The following GABRB3 variants were observed in gnomAD, a reference collection of about 807,000 sequenced individuals.
GABRB3 encodes gamma-aminobutyric acid type A receptor subunit beta3.
In GABRB3, 14 loss-of-function variants were observed where a neutral mutation model predicts 52.1. The observed-to-expected ratio is 0.27, with a 90% CI of 0.18 to 0.42. The LOEUF is 0.42. GABRB3 is among the 10% of genes least tolerant of loss of function. The pLI is 1.00. For synonymous variants in GABRB3, 260 were observed against 232.3 expected, an observed-to-expected ratio of 1.12 and a Z score of -1.08; for missense variants, 307 against 609.1, an observed-to-expected ratio of 0.50 and a Z score of 5.22.
intron 3 of GABRB3, among the ~76,000 whole-genome samples, chr15:26,663,334 T>A (rs1887606934): frequency 6.6e-6 from 1 of 152,206 alleles, no homozygotes; most frequent in Non-Finnish European, 1.5e-5. Flanking sequence ...GGTGCTGAAA[T>A]CTCCAACTAT....
At chr15:26,663,490 C>T (rs1349473285) in intron 3 of GABRB3, among the ~76,000 whole-genome samples, 3 of 152,250 alleles carry the variant, frequency 2.0e-5, no homozygotes, top group Non-Finnish European at 4.4e-5. Context: ...CTTTTCATTG[C>T]TCTTTAATCT....
At chr15:26,714,645 C>T (rs1038346898) in intron 3 of GABRB3, among the ~76,000 whole-genome samples, 1 of 152,144 alleles carries the variant, frequency 6.6e-6, no homozygotes, top group Non-Finnish European at 1.5e-5. Flanking sequence ...GCATTTATCT[C>T]AGTGAGAAGA....
chr15:26,753,992 T>C (rs1890588134), intron 3 of GABRB3, among the ~76,000 whole-genome samples: 1 of 152,094 alleles, frequency 6.6e-6, no homozygotes, highest in African/African-American at 2.4e-5. Flanking sequence ...AAATAATAAA[T>C]GTATTTACTA....
intron 3 of GABRB3, among the ~76,000 whole-genome samples, chr15:26,672,071 T>C (rs1887916359): frequency 6.6e-6 from 1 of 152,228 alleles, no homozygotes; most frequent in Non-Finnish European, 1.5e-5. Flanking sequence ...GTTTTTCTCT[T>C]TTCCTAGAGT....
rs568136098 is a variant in GABRB3 at position 26,769,454 on chromosome 15, C to T, written c.240+2948G>A. On this transcript the variant is annotated intron_variant, in intron 3 of 8. Coordinates refer to ENST00000311550, the MANE Select transcript of GABRB3 (RefSeq NM_000814.6). ...TCAATTACCTGCTTTAAAACCTTTA[C>T]CATTTATAGGCTCCTTATTTCCTGA... is the stretch of plus-strand genomic sequence containing the variant. Among the ~76,000 whole-genome samples the T allele has an allele frequency of 3.3e-5, 5 of 152,272 alleles. No individual in the cohort carries two copies. In the East Asian group the frequency reaches 9.7e-4, roughly 29 times the overall value.
At chr15:26,591,653 T>C (rs1246030768) in intron 4 of GABRB3, among the ~76,000 whole-genome samples, 3 of 152,108 alleles carry the variant, frequency 2.0e-5, no homozygotes. Flanking sequence ...ACACCGCAGG[T>C]TCAACCCTCC....
rs117584146 is a variant in GABRB3, at chr15:26,587,303, G to A, written c.462-3889C>T. Reference sequence around the variant, plus strand: ...TCTACTCACTACTTTTCTTTATTTGGAAGAAATACTCAGAAAACCCTCTCA... The same window carrying A: ...TCTACTCACTACTTTTCTTTATTTGAAAGAAATACTCAGAAAACCCTCTCA... On this transcript the variant is annotated intron_variant, in intron 4 of 8. Transcript: ENST00000311550. Among the ~76,000 whole-genome samples the A allele has an allele frequency of 1.8e-3, 279 of 152,232 alleles. 6 individuals carry two copies. The East Asian group carries it at 0.036, about 20-fold the overall frequency.
In GABRB3 at chr15:26,650,436, C is replaced by A. The variant is rs114051944; in HGVS notation, c.241-28902G>T. On this transcript the variant is annotated intron_variant, in intron 3 of 8. Transcript: ENST00000311550. ...AGGTCAGGCTGAAGACCCAGTAGGG[C>A]CAAAAGAGAAGCAGATTTTCAGAGG... is the stretch of plus-strand genomic sequence containing the variant. Among the ~76,000 whole-genome samples the A allele has an allele frequency of 4.0e-3, 608 of 151,980 alleles. 10 individuals carry two copies. The highest frequency in any genetic ancestry group is 0.014 in the African/African-American group (575 of 41,456).
chr15:26,717,786 G>A (rs138000529), intron 3 of GABRB3, among the ~76,000 whole-genome samples: 89 of 152,162 alleles, frequency 5.8e-4, no homozygotes, highest in Non-Finnish European at 8.8e-4. Flanking sequence ...CTGGATCTTC[G>A]TCTTGTCAGT....
chr15:26,753,171 G>A (rs1050705579), intron 3 of GABRB3, among the ~76,000 whole-genome samples: 13 of 152,150 alleles, frequency 8.5e-5, no homozygotes, highest in Non-Finnish European at 1.9e-4. Context: ...TCCCCAGATG[G>A]TGGAGCTGGT....
At chr15:26,771,447 T>C (rs1447165507) in intron 3 of GABRB3, among the ~76,000 whole-genome samples, 1 of 152,200 alleles carries the variant, frequency 6.6e-6, no homozygotes, top group African/African-American at 2.4e-5. Context: ...ATTCTCAATG[T>C]TGTATGTCCG....
chr15:26,613,814 T>C (rs1472851534), intron 4 of GABRB3: 2 of 152,126 alleles, frequency 1.3e-5, no homozygotes, highest in South Asian at 2.1e-4. Flanking sequence ...GGTAATGTAA[T>C]AGAAAGTGAA....
intron 4 of GABRB3, among the ~76,000 whole-genome samples, chr15:26,583,900 G>A (rs997224208): frequency 6.6e-6 from 1 of 151,206 alleles, no homozygotes; most frequent in African/African-American, 2.4e-5. Flanking sequence ...TCAGCCTCCC[G>A]AGTAGCTGGG....
chr15:26,633,877 G>C (rs1213326430), intron 3 of GABRB3, among the ~76,000 whole-genome samples: 2 of 152,192 alleles, frequency 1.3e-5, no homozygotes, highest in Admixed American at 6.5e-5. Flanking sequence ...CTTCTTCAGG[G>C]CTGAAAGAAC....
At chr15:26,695,007 T>G (rs1888693268) in intron 3 of GABRB3, among the ~76,000 whole-genome samples, 1 of 151,702 alleles carries the variant, frequency 6.6e-6, no homozygotes, top group Non-Finnish European at 1.5e-5. Context: ...CTTTTCAAAC[T>G]GAAAAATAAA....
intron 4 of GABRB3, among the ~76,000 whole-genome samples, chr15:26,607,725 A>G (rs1467144088): frequency 2.6e-5 from 4 of 152,152 alleles, no homozygotes; most frequent in Non-Finnish European, 5.9e-5. Context: ...TCCCATTTAC[A>G]ATAGTTTCAA....
intron 3 of GABRB3, among the ~76,000 whole-genome samples, chr15:26,695,070 G>C (rs987062961): frequency 6.6e-6 from 1 of 152,058 alleles, no homozygotes; most frequent in Non-Finnish European, 1.5e-5. Flanking sequence ...ATTATAAAAG[G>C]TATAACAAAC....
At chr15:26,596,508 C>A (rs1334099018) in intron 4 of GABRB3, among the ~76,000 whole-genome samples, 1 of 152,040 alleles carries the variant, frequency 6.6e-6, no homozygotes, top group Non-Finnish European at 1.5e-5. Context: ...AGATCTTTTA[C>A]AAAGTAGCAT....
chr15:26,751,781 T>C (rs1253061660), intron 3 of GABRB3, among the ~76,000 whole-genome samples: 1 of 152,138 alleles, frequency 6.6e-6, no homozygotes, highest in Admixed American at 6.5e-5. Context: ...GTCAAATTTG[T>C]TCCTTTCCTA....
Sources: gnomAD v4.1 joint callset for allele counts (sites outside exome capture counted in the v4.1 genomes callset) on GRCh38, gnomAD v4.1.1 for gene constraint, MANE v1.5 for transcripts, NCBI Gene and HGNC (gene_info 2026-07-23, HGNC 2026-07-21) for gene names.